SUMF1: variants seen among roughly 807,000 people sequenced by gnomAD.
SUMF1 encodes formylglycine-generating enzyme.
A neutral mutation model predicts 47.6 loss-of-function variants in SUMF1; 48 were observed. The observed-to-expected ratio is 1.01, with a 90% confidence interval of 0.80 to 1.28. The LOEUF is 1.28. Among genes scored for constraint, SUMF1 ranks in the 50% most tolerant of loss-of-function variants. The probability of loss-of-function intolerance (pLI) is 0.00; values close to 1 mark genes in which losing one functional copy is unlikely to be tolerated. For synonymous variants in SUMF1, 230 were observed against 192.1 expected (o/e 1.20, Z -1.63); for missense variants, 571 against 485.4 (o/e 1.18, Z -1.66).
chr3:4,189,681 T>A (rs1265394814), intron 8 of SUMF1, among the ~76,000 whole-genome samples: 1 of 146,386 alleles, frequency 6.8e-6, no homozygotes. Flanking sequence ...GATTAAAGCC[T>A]CAAGATTTTG....
At position 4,361,821 on chromosome 3, in the gene SUMF1, G is replaced by C; in HGVS notation, c.*323C>G. ...CAGGAAGGTCAAGCGTCGGACCTGG[G>C]GTCTAACCCCTGTGGCAGAGCCTGC... is the stretch of plus-strand genomic sequence containing the variant. On this transcript the variant is annotated 3_prime_UTR_variant, in exon 9 of 9. Coordinates refer to ENST00000272902, the MANE Select transcript of SUMF1 (RefSeq NM_182760.4). 1 of 369,220 alleles carries C rather than the reference G, an allele frequency of 2.7e-6. No homozygotes were observed. The highest frequency in any genetic ancestry group is 2.5e-5 in the South Asian group (1 of 39,618). 22.9% of individuals were successfully genotyped at this position (369,220 alleles called of 1,614,324 possible). A position where few individuals can be genotyped will look rare whatever the true frequency, so the allele number is the denominator to read the frequency against.
At chr3:4,309,874 A>G (rs1698336610) in intron 8 of SUMF1, among the ~76,000 whole-genome samples, 1 of 152,240 alleles carries the variant, frequency 6.6e-6, no homozygotes, top group African/African-American at 2.4e-5. Context: ...TTATTTAACT[A>G]TGGGGAAACA....
intron 8 of SUMF1, among the ~76,000 whole-genome samples, chr3:4,363,569 A>C (rs976012939): frequency 6.6e-6 from 1 of 151,714 alleles, no homozygotes; most frequent in Non-Finnish European, 1.5e-5. Flanking sequence ...TTGTACATTG[A>C]TTTCGTATCC....
rs1305928950 is a variant in SUMF1 at position 4,154,107 on chromosome 3, C to T, written c.1015-85362G>A. Among the ~76,000 whole-genome samples the T allele has an allele frequency of 2.0e-5, 3 of 151,414 alleles. No homozygotes were observed. In the South Asian group the frequency reaches 6.2e-4, roughly 31 times the overall value. On this transcript the variant is annotated intron_variant and NMD_transcript_variant, in intron 8 of 12. Coordinates refer to the SUMF1 transcript ENST00000448413. ...TGGCACCAAACCTAGACTGAGATGTCCAGAAAGGTTTCTCAGAGGAGGAGG... is the reference window on the plus strand; with the variant it reads ...TGGCACCAAACCTAGACTGAGATGTTCAGAAAGGTTTCTCAGAGGAGGAGG...
intron 8 of SUMF1, among the ~76,000 whole-genome samples, chr3:4,196,537 A>G (rs1248742128): frequency 1.3e-5 from 2 of 152,122 alleles, no homozygotes; most frequent in East Asian, 3.9e-4. Flanking sequence ...TGGCACCTCC[A>G]TTCAGAGGCC....
chr3:4,089,301 T>C (rs1405300615), intron 8 of SUMF1, among the ~76,000 whole-genome samples: 1 of 152,160 alleles, frequency 6.6e-6, no homozygotes, highest in Non-Finnish European at 1.5e-5. Context: ...TTACTCATAA[T>C]ACAACTCTCA....
chr3:4,399,062 T>G (rs1701124882), intron 7 of SUMF1, among the ~76,000 whole-genome samples: 2 of 152,104 alleles, frequency 1.3e-5, no homozygotes, highest in Non-Finnish European at 1.5e-5. Context: ...CTTTTTTGCA[T>G]AATCAGGAAT....
At chr3:4,077,025 C>T (rs1692454407) in intron 8 of SUMF1, among the ~76,000 whole-genome samples, 2 of 151,978 alleles carry the variant, frequency 1.3e-5, no homozygotes, top group African/African-American at 2.4e-5. Context: ...AAAAAGAAGA[C>T]ATTTATGCAG....
intron 9 of SUMF1, among the ~76,000 whole-genome samples, chr3:4,054,651 G>C (rs958391140): frequency 2.0e-5 from 3 of 152,100 alleles, no homozygotes; most frequent in African/African-American, 7.2e-5. Flanking sequence ...TAATATTTAT[G>C]AGATACTCAC....
At chr3:4,240,358 C>G (rs977717428) in intron 8 of SUMF1, among the ~76,000 whole-genome samples, 1 of 152,034 alleles carries the variant, frequency 6.6e-6, no homozygotes, top group African/African-American at 2.4e-5. Flanking sequence ...CTTTGTACCT[C>G]TGGTAGAATT....
chr3:4,362,057 TG>T lies in SUMF1; in HGVS notation c.*86del. On this transcript the variant is annotated 3_prime_UTR_variant, in exon 9 of 9. Coordinates refer to ENST00000272902, the MANE Select transcript of SUMF1 (RefSeq NM_182760.4). Reference sequence around the variant, plus strand: ...AACCCACCTCAGGGTGGGAATTCTTTGCATGGGATCGTTCAAAGTTCTGAGA... The same window carrying T: ...AACCCACCTCAGGGTGGGAATTCTTTCATGGGATCGTTCAAAGTTCTGAGA... 1 of 1,339,180 alleles carries T rather than the reference TG, an allele frequency of 7.5e-7. No individual in the cohort carries two copies. The highest frequency in any genetic ancestry group is 1.1e-6 in the Non-Finnish European group (1 of 940,226). The allele number at this position is 1,339,180 out of a possible 1,614,324, so 83.0% of individuals were successfully genotyped here. A position where few individuals can be genotyped will look rare whatever the true frequency, so the allele number is the denominator to read the frequency against.
intron 8 of SUMF1, among the ~76,000 whole-genome samples, chr3:4,256,063 C>G (rs1696947315): frequency 6.7e-6 from 1 of 150,118 alleles, no homozygotes; most frequent in South Asian, 2.1e-4. Flanking sequence ...TTCTTTGAAA[C>G]CAATGAGAAC....
chr3:4,220,768 C>G lies in SUMF1; in HGVS notation c.1015-152023G>C, dbSNP rs574566762. On this transcript the variant is annotated intron_variant and NMD_transcript_variant, in intron 8 of 12. Transcript: ENST00000448413. ...GGGCTCAGTTTCTTCATCTGTAAAA[C>G]GAGAAGACTGAACTAGCTTGTATCC... Among the ~76,000 whole-genome samples, 6 of 152,176 alleles carry G rather than the reference C, an allele frequency of 3.9e-5. No individual in the cohort carries two copies. The South Asian group carries it at 1.2e-3, about 32-fold the overall frequency.
intron 8 of SUMF1, among the ~76,000 whole-genome samples, chr3:4,338,798 T>G (rs1699207350): frequency 6.6e-6 from 1 of 152,122 alleles, no homozygotes; most frequent in East Asian, 1.9e-4. Flanking sequence ...TATGTATACC[T>G]AGTACACAGA....
chr3:4,298,604 C>T (rs192425029), intron 8 of SUMF1, among the ~76,000 whole-genome samples: 125 of 152,270 alleles, frequency 8.2e-4, no homozygotes, highest in Non-Finnish European at 1.5e-3. Flanking sequence ...GAGTGTGGTT[C>T]TCCTCATGGC....
At chr3:4,071,535 A>T (rs1695525404) in intron 8 of SUMF1, among the ~76,000 whole-genome samples, 1 of 152,216 alleles carries the variant, frequency 6.6e-6, no homozygotes, top group Non-Finnish European at 1.5e-5. Context: ...CACAGAGCCC[A>T]GCAAGCTTAA....
chr3:4,395,916 T>A (rs1012528301), intron 7 of SUMF1, among the ~76,000 whole-genome samples: 6 of 152,216 alleles, frequency 3.9e-5, no homozygotes, highest in Non-Finnish European at 8.8e-5. Flanking sequence ...ACCAAGCACA[T>A]TACAGTTGGA....
chr3:4,195,268 G>A (rs1307735051), intron 8 of SUMF1, among the ~76,000 whole-genome samples: 2 of 152,110 alleles, frequency 1.3e-5, no homozygotes, highest in African/African-American at 4.8e-5. Flanking sequence ...GTGGTGTTAG[G>A]AGACAAGCTA....
intron 8 of SUMF1, among the ~76,000 whole-genome samples, chr3:4,299,371 A>G (rs996282721): frequency 6.6e-6 from 1 of 152,232 alleles, no homozygotes; most frequent in African/African-American, 2.4e-5. Context: ...CTCTTGTCCT[A>G]TAATCTCAAG....
Sources: gnomAD v4.1 joint callset for allele counts (sites outside exome capture counted in the v4.1 genomes callset) on GRCh38, gnomAD v4.1.1 for gene constraint, MANE v1.5 for transcripts, NCBI Gene and HGNC (gene_info 2026-07-23, HGNC 2026-07-21) for gene names.